Variants in SSBP3 observed in about 807,000 individuals in gnomAD.
SSBP3 encodes single-stranded DNA-binding protein 3.
In SSBP3, 5 loss-of-function variants were observed where a neutral mutation model predicts 69.6. The observed-to-expected ratio is 0.07, with a 90% CI of 0.04 to 0.15. The LOEUF is 0.15. Among genes scored for constraint, SSBP3 ranks in the 10% least tolerant of loss-of-function variants. SSBP3 has a pLI of 1.00. For missense variants in SSBP3, 312 were observed against 534.0 expected, an observed-to-expected ratio of 0.58 and a Z score of 4.10; for synonymous variants, 196 against 193.4, an observed-to-expected ratio of 1.01 and a Z score of -0.11.
chr1:54,227,946 G>A (rs984378717), intron 17 of SSBP3, among the ~76,000 whole-genome samples: 1 of 152,214 alleles, frequency 6.6e-6, no homozygotes, highest in Non-Finnish European at 1.5e-5. Flanking sequence ...CTGGACAGAT[G>A]GAAATGGACC....
At chr1:54,365,225 G>A (rs1016345339) in intron 4 of SSBP3, among the ~76,000 whole-genome samples, 3 of 152,154 alleles carry the variant, frequency 2.0e-5, no homozygotes, top group East Asian at 3.8e-4. Context: ...TGTGCCATGC[G>A]GTGAAGCAAT....
At chr1:54,240,118 G>GCA (rs1211658289) in intron 13 of SSBP3, among the ~76,000 whole-genome samples, 23 of 7,294 alleles carry the variant, frequency 3.2e-3, no homozygotes, top group Middle Eastern at 0.062. Context: ...GCGCGCGCGC[G>GCA]CGCAACACAT....
chr1:54,402,886 C>G (rs906680018), intron 3 of SSBP3, among the ~76,000 whole-genome samples: 1 of 152,168 alleles, frequency 6.6e-6, no homozygotes, highest in Admixed American at 6.5e-5. Flanking sequence ...ATCAGGAGCC[C>G]GAGGCCCAGG....
At chr1:54,370,613 C>T (rs1434772359) in intron 4 of SSBP3, among the ~76,000 whole-genome samples, 1 of 152,110 alleles carries the variant, frequency 6.6e-6, no homozygotes, top group Non-Finnish European at 1.5e-5. Context: ...ATCAACAAAA[C>T]GGGGTAATAA....
chr1:54,348,981 C>A (rs547116676), intron 4 of SSBP3, among the ~76,000 whole-genome samples: 8 of 152,330 alleles, frequency 5.3e-5, no homozygotes, highest in African/African-American at 1.9e-4. Flanking sequence ...AGCCCGATGA[C>A]CAGCAAGCTG....
At chr1:54,253,218 C>T (rs1414939344) in intron 7 of SSBP3, among the ~76,000 whole-genome samples, 2 of 133,964 alleles carry the variant, frequency 1.5e-5, no homozygotes, top group Non-Finnish European at 3.1e-5. Flanking sequence ...AAGACAGGGT[C>T]GCTTGCTCTG....
rs1233806713 is a variant in SSBP3 at position 54,258,144 on chromosome 1, A to G, written c.372T>C (p.Pro124=). 3.8e-6 allele frequency: 6 copies of G among 1,591,188 alleles called. No homozygotes were observed. Among genetic ancestry groups the G allele is most frequent in the Non-Finnish European group, 5.1e-6 (6 of 1,169,800 alleles). ...CGTGCGGCGAGGGCTGTGACCCCGGAGGACCCTGTGAGGCCAGACAGTAGA... is the reference window on the plus strand; with the variant it reads ...CGTGCGGCGAGGGCTGTGACCCCGGGGGACCCTGTGAGGCCAGACAGTAGA... Residue 124 remains proline, a synonymous_variant, in exon 6 of 18, where the codon CCT becomes CCC. Transcript: ENST00000610401. The surrounding 1 kb of genome is among the most constrained non-coding windows in gnomAD (Gnocchi z 4.5).
chr1:54,232,416 C>T (rs796870754), intron 14 of SSBP3, among the ~76,000 whole-genome samples: 8 of 152,274 alleles, frequency 5.3e-5, no homozygotes, highest in African/African-American at 1.9e-4. Context: ...GCCACTGCAC[C>T]TGGCTTATTA....
intron 4 of SSBP3, among the ~76,000 whole-genome samples, chr1:54,306,340 G>A (rs1208065819): frequency 6.6e-6 from 1 of 152,212 alleles, no homozygotes; most frequent in Non-Finnish European, 1.5e-5. Flanking sequence ...CACATCCATT[G>A]GAGAACAGGG....
At chr1:54,358,385 C>A in intron 4 of SSBP3, among the ~76,000 whole-genome samples, 1 of 152,180 alleles carries the variant, frequency 6.6e-6, no homozygotes, top group Non-Finnish European at 1.5e-5. Flanking sequence ...GCTCAGGAGG[C>A]CAGGAGGGCA....
chr1:54,373,420 G>A (rs569802781), intron 4 of SSBP3, among the ~76,000 whole-genome samples: 2 of 152,260 alleles, frequency 1.3e-5, no homozygotes, highest in African/African-American at 4.8e-5. Context: ...CTGGGCCTCT[G>A]GGGCTGCCCT....
chr1:54,265,829 T>G (rs1645092473), intron 5 of SSBP3, among the ~76,000 whole-genome samples: 1 of 152,228 alleles, frequency 6.6e-6, no homozygotes, highest in Non-Finnish European at 1.5e-5. Flanking sequence ...CCTCCCTTCC[T>G]CCTAGCAGTC....
rs192697054 is a variant in SSBP3, at chr1:54,413,351, C to G, written c.-275+5G>C. On this transcript the variant is annotated splice_donor_5th_base_variant and intron_variant, in intron 1 of 8. Coordinates refer to the SSBP3 transcript ENST00000525990. Reference sequence around the variant, plus strand: ...TATAATAAAAGCCATTTATTTCTCACTCACAGGTCTGCAGTCAACTGGGCA... The same window carrying G: ...TATAATAAAAGCCATTTATTTCTCAGTCACAGGTCTGCAGTCAACTGGGCA... 6.6e-5 allele frequency: 10 copies of G among 152,372 alleles called. No homozygotes were observed. The South Asian group carries it at 2.1e-3, about 32-fold the overall frequency. 9.4% of individuals were successfully genotyped at this position (152,372 alleles called of 1,614,324 possible).
chr1:54,344,305 C>A (rs1646654762), intron 4 of SSBP3, among the ~76,000 whole-genome samples: 1 of 152,208 alleles, frequency 6.6e-6, no homozygotes, highest in Non-Finnish European at 1.5e-5. Context: ...TATACATCCA[C>A]TGGAAAGAAG....
At chr1:54,305,009 G>T (rs917475331) in intron 4 of SSBP3, among the ~76,000 whole-genome samples, 2 of 152,182 alleles carry the variant, frequency 1.3e-5, no homozygotes, top group Non-Finnish European at 2.9e-5. Flanking sequence ...CCACCAGCAT[G>T]GCTGAGGCTG....
At chr1:54,363,965 C>T (rs535801148) in intron 4 of SSBP3, among the ~76,000 whole-genome samples, 1 of 152,280 alleles carries the variant, frequency 6.6e-6, no homozygotes, top group South Asian at 2.1e-4. Flanking sequence ...CATGGCAAGG[C>T]CAGGCCTCAG....
At chr1:54,334,668 T>C (rs1646478026) in intron 4 of SSBP3, among the ~76,000 whole-genome samples, 1 of 152,230 alleles carries the variant, frequency 6.6e-6, no homozygotes, top group African/African-American at 2.4e-5. Context: ...AATGGAAGAA[T>C]AATGCATGTA....
chr1:54,348,059 C>T (rs562095455), intron 4 of SSBP3, among the ~76,000 whole-genome samples: 9 of 152,224 alleles, frequency 5.9e-5, no homozygotes, highest in South Asian at 4.2e-4. Flanking sequence ...TATATGACTC[C>T]GTGCAACCAA....
chr1:54,252,020 G>A (rs749204091), intron 7 of SSBP3, among the ~76,000 whole-genome samples, 160 bp from the exon 8 acceptor site: 5 of 152,192 alleles, frequency 3.3e-5, no homozygotes, highest in Admixed American at 1.3e-4. Flanking sequence ...AGGTTACCCC[G>A]GGCCTACCAG....
Sources: allele counts gnomAD v4.1 joint callset (sites outside exome capture counted in the v4.1 genomes callset), GRCh38; gene constraint gnomAD v4.1.1; non-coding constraint Gnocchi (gnomAD v3.1); transcripts MANE v1.5; gene names NCBI Gene and HGNC (gene_info 2026-07-23, HGNC 2026-07-21).